COL15A1: variants seen among roughly 807,000 people sequenced by gnomAD.
COL15A1 encodes collagen type XV alpha 1 chain.
Under a neutral mutation model 165.9 loss-of-function variants are expected in COL15A1, and 111 were observed. The ratio of observed to expected loss-of-function variants is 0.67; its 90% confidence interval spans 0.57 to 0.78. The LOEUF (loss-of-function observed/expected upper bound fraction) is 0.78, where lower values mean the gene tolerates loss of function less well. COL15A1 is among the 30% of genes least tolerant of loss of function. The pLI, the probability that COL15A1 is intolerant of heterozygous loss-of-function variation, is 0.00. For synonymous variants in COL15A1, 659 were observed against 674.8 expected, an observed-to-expected ratio of 0.98 and a Z score of 0.36; for missense variants, 1,745 against 1,789.7, an observed-to-expected ratio of 0.98 and a Z score of 0.45.
intron 2 of COL15A1, among the ~76,000 whole-genome samples, chr9:98,963,244 C>T (rs73653628): frequency 0.052 from 7,876 of 151,402 alleles, 463 homozygotes; most frequent in African/African-American, 0.15. Context: ...GTAGCTAGGA[C>T]CCACTGGGCC....
intron 5 of COL15A1, among the ~76,000 whole-genome samples, chr9:98,995,239 A>G (rs999284350): frequency 5.9e-5 from 9 of 152,082 alleles, no homozygotes; most frequent in African/African-American, 2.2e-4. Context: ...GGTGAAATGG[A>G]GACATCCCAC....
chr9:99,024,780 T>C (rs1564064958), intron 14 of COL15A1, 94 bp from the exon 15 acceptor site: 6 of 1,431,248 alleles, frequency 4.2e-6, no homozygotes, highest in East Asian at 2.3e-5. Flanking sequence ...ACATGTAGGA[T>C]TGTTGAAAGA....
chr9:98,945,020 A>C (rs1366250344), intron 2 of COL15A1, among the ~76,000 whole-genome samples: 1 of 152,336 alleles, frequency 6.6e-6, no homozygotes, highest in South Asian at 2.1e-4. Flanking sequence ...CCCCATCTGA[A>C]AAAGGCGATT....
chr9:99,044,715 T>G lies in COL15A1; in HGVS notation c.2644-20T>G. The G allele has an allele frequency of 6.2e-7, 1 of 1,613,410 alleles. No individual in the cohort carries two copies. Among genetic ancestry groups the G allele is most frequent in the Non-Finnish European group, 8.5e-7 (1 of 1,179,326 alleles). Reference sequence around the variant, plus strand: ...TGTTTCTGTCCCAAACAGTGACAAGTATATATCTTCCTGTTTTAGGGTGAA... The same window carrying G: ...TGTTTCTGTCCCAAACAGTGACAAGGATATATCTTCCTGTTTTAGGGTGAA... On this transcript the variant is annotated intron_variant, in intron 25 of 41. Coordinates refer to ENST00000375001, the MANE Select transcript of COL15A1 (RefSeq NM_001855.5).
chr9:99,026,028 G>A (rs1053342584), intron 16 of COL15A1, 62 bp downstream of exon 16: 18 of 1,494,814 alleles, frequency 1.2e-5, no homozygotes, highest in Non-Finnish European at 1.6e-5. Flanking sequence ...TACTCTCTCT[G>A]ACCCCTAAAC....
At chr9:99,020,309 C>T (rs1168066773) in intron 11 of COL15A1, 80 bp from the exon 12 acceptor site, 1 of 1,013,614 alleles carries the variant, frequency 9.9e-7, no homozygotes, top group Non-Finnish European at 1.6e-6. Flanking sequence ...TGACCAGGAC[C>T]AGGGAATGTC....
intron 2 of COL15A1, among the ~76,000 whole-genome samples, chr9:98,957,311 G>A (rs940143743): frequency 6.6e-6 from 1 of 152,198 alleles, no homozygotes; most frequent in East Asian, 1.9e-4. Context: ...CAAAAGGCAA[G>A]GAAACTGATT....
At chr9:98,946,715 C>T (rs934502084) in intron 2 of COL15A1, among the ~76,000 whole-genome samples, 1 of 152,244 alleles carries the variant, frequency 6.6e-6, no homozygotes, top group Non-Finnish European at 1.5e-5. Context: ...TATGAACCAG[C>T]AGTGTTTTAA....
intron 2 of COL15A1, among the ~76,000 whole-genome samples, chr9:98,955,480 T>A (rs1486082027): frequency 6.6e-6 from 1 of 152,226 alleles, no homozygotes; most frequent in East Asian, 1.9e-4. Flanking sequence ...GAATGAATCA[T>A]TCAAAGCCTG....
At chr9:98,973,248 G>T (rs1200302949) in intron 2 of COL15A1, among the ~76,000 whole-genome samples, 1 of 151,952 alleles carries the variant, frequency 6.6e-6, no homozygotes, top group Non-Finnish European at 1.5e-5. Flanking sequence ...GAGAGAAAGA[G>T]AGAGAGGGAG....
chr9:98,999,751 C>A (rs1426153690), intron 6 of COL15A1, among the ~76,000 whole-genome samples: 1 of 151,992 alleles, frequency 6.6e-6, no homozygotes, highest in South Asian at 2.1e-4. Context: ...AACTCCTGAG[C>A]TCAAATGATC....
intron 13 of COL15A1, 89 bp from the exon 14 acceptor site, chr9:99,023,268 T>C (rs1331177026): frequency 9.6e-6 from 14 of 1,464,004 alleles, no homozygotes; most frequent in South Asian, 1.4e-5. Context: ...ATAGGAAACA[T>C]TTCCCCATTT....
At chr9:99,067,167 T>A in intron 40 of COL15A1, 100 bp downstream of exon 40, 1 of 1,046,504 alleles carries the variant, frequency 9.6e-7, no homozygotes, top group Non-Finnish European at 1.4e-6. Context: ...ACTGTTGACT[T>A]AAGCCTGCTC....
At chr9:98,990,649 T>C (rs984837258) in intron 5 of COL15A1, among the ~76,000 whole-genome samples, 2 of 151,086 alleles carry the variant, frequency 1.3e-5, no homozygotes, top group Middle Eastern at 3.4e-3. Flanking sequence ...GAAAGGAGAG[T>C]GGAGTTTGAG....
intron 32 of COL15A1, 148 bp downstream of exon 32, chr9:99,054,804 T>G: frequency 1.1e-6 from 1 of 874,002 alleles, no homozygotes; most frequent in Non-Finnish European, 1.7e-6. Context: ...AAACCAAGCA[T>G]GGGCCTGGCA....
At chr9:99,050,347 T>C (rs1490704560) in intron 30 of COL15A1, among the ~76,000 whole-genome samples, 7 of 151,950 alleles carry the variant, frequency 4.6e-5, no homozygotes, top group Admixed American at 1.3e-4. Context: ...GGCTGATCTC[T>C]CCCATTTTAT....
intron 39 of COL15A1, among the ~76,000 whole-genome samples, chr9:99,066,624 T>TC (rs1680996930): frequency 5.0e-5 from 7 of 141,274 alleles, no homozygotes; most frequent in South Asian, 2.4e-4. Flanking sequence ...TTTTTTTTTT[T>TC]CACCTAAGGA....
intron 2 of COL15A1, among the ~76,000 whole-genome samples, chr9:98,979,200 A>G (rs1436333589): frequency 1.3e-5 from 2 of 152,356 alleles, no homozygotes; most frequent in East Asian, 3.9e-4. Flanking sequence ...TATTTCACAT[A>G]TGTAACTTTA....
intron 6 of COL15A1, among the ~76,000 whole-genome samples, chr9:98,999,655 T>C (rs1838614317): frequency 6.6e-6 from 1 of 151,096 alleles, no homozygotes; most frequent in Non-Finnish European, 1.5e-5. Context: ...AGCAGCTGGG[T>C]CTACAGCCAC....
Sources: gnomAD v4.1 joint callset for allele counts (sites outside exome capture counted in the v4.1 genomes callset) on GRCh38, gnomAD v4.1.1 for gene constraint, MANE v1.5 for transcripts, NCBI Gene and HGNC (gene_info 2026-07-23, HGNC 2026-07-21) for gene names.